The following TROAP variants were observed in gnomAD, a reference collection of about 807,000 sequenced individuals.
TROAP encodes the protein tastin.
TROAP carries 62 observed loss-of-function variants against 83.4 expected under a neutral mutation model. The observed-to-expected ratio is 0.74, with a 90% CI of 0.61 to 0.92. TROAP has a LOEUF of 0.92. TROAP is among the 40% of genes least tolerant of loss of function. The pLI, the probability that TROAP is intolerant of heterozygous loss-of-function variation, is 0.00. For missense variants in TROAP, 876 were observed against 985.1 expected (o/e 0.89, Z 1.48); for synonymous variants, 352 against 386.4 (o/e 0.91, Z 1.04).
At position 49,329,967 on chromosome 12, in the gene TROAP, C is replaced by A. The variant is rs140522502; in HGVS notation, c.1275C>A (p.Pro425=). 361 of 1,614,138 alleles carry A rather than the reference C, an allele frequency of 2.2e-4. No individual in the cohort carries two copies. In the South Asian group the frequency reaches 3.3e-3, roughly 15 times the overall value. ...CTGGACCCCACTCTAACAGAACCCC[C>A]AGCCTCCAGGAGGTGAAGATTCAAG... ...TPSGPHSNRT[P]SLQEVKIQRI... Residue 425 remains proline, a synonymous_variant, in exon 12 of 15, where the codon CCC becomes CCA. Coordinates refer to ENST00000257909, the MANE Select transcript of TROAP (RefSeq NM_005480.4). The surrounding 1 kb of genome is among the most constrained non-coding windows in gnomAD (Gnocchi z 4.5).
chr12:49,325,701 A>T (rs1943488482), intron 4 of TROAP, 43 bp downstream of exon 4: 11 of 1,612,630 alleles, frequency 6.8e-6, no homozygotes, highest in Non-Finnish European at 9.3e-6. Context: ...GGGGGCACTG[A>T]GGGGGGCATC....
chr12:49,327,505 A>G (rs548207192), intron 8 of TROAP, among the ~76,000 whole-genome samples, 175 bp downstream of exon 8: 1 of 152,200 alleles, frequency 6.6e-6, no homozygotes, highest in Non-Finnish European at 1.5e-5. Context: ...TGTGAGACTG[A>G]CCTCTCTTTA....
Position 49,328,974 on chromosome 12 carries a change from GC to G in TROAP, c.942del (p.Leu315CysfsTer26), listed in dbSNP as rs766897414. On this transcript the variant is annotated frameshift_variant, in exon 9 of 15. Transcript: ENST00000257909. LOFTEE classifies it high-confidence loss of function. Reference sequence around the variant, plus strand: ...TGCCCTCCCCTGCCCCTGTGGCCCAGCCCTTGCCTGGCCATGTGGTGCCATG... The same window carrying G: ...TGCCCTCCCCTGCCCCTGTGGCCCAGCCTTGCCTGGCCATGTGGTGCCATG... ...LMPSPAPVAQPLPGHVVPCPS... is the reference protein window; with the variant it reads ...LMPSPAPVAQXLPGHVVPCPS... 6.2e-7 allele frequency: 1 copy of G among 1,607,766 alleles called. No individual in the cohort carries two copies. Among genetic ancestry groups the G allele is most frequent in the East Asian group, 2.2e-5 (1 of 44,816 alleles).
At chr12:49,325,962 G>A in intron 5 of TROAP, 78 bp downstream of exon 5, 6 of 1,604,830 alleles carry the variant, frequency 3.7e-6, no homozygotes, top group Non-Finnish European at 5.1e-6. Context: ...TGGGAGAAGA[G>A]GTACCTCATG....
chr12:49,329,591 T>C lies in TROAP; in HGVS notation c.1164+137T>C. On this transcript the variant is annotated intron_variant, in intron 11 of 14. Transcript: ENST00000257909. This position sits in a 1 kb window ranked among gnomAD's most constrained non-coding sequence, Gnocchi z 4.5. ...CTGTAATCCCAGCACTTTGGGAGGCTGAGGTAGGAGGATTGCTTGAGCTCA... is the reference window on the plus strand; with the variant it reads ...CTGTAATCCCAGCACTTTGGGAGGCCGAGGTAGGAGGATTGCTTGAGCTCA... 1 of 1,116,688 alleles carries C rather than the reference T, an allele frequency of 9.0e-7. No individual in the cohort carries two copies. Among genetic ancestry groups the C allele is most frequent in the Non-Finnish European group, 1.3e-6 (1 of 781,386 alleles). 69.2% of individuals were successfully genotyped at this position (1,116,688 alleles called of 1,614,324 possible). A position where few individuals can be genotyped will look rare whatever the true frequency, so the allele number is the denominator to read the frequency against.
chr12:49,328,214 CTTTTTTTTTT>C (rs981259606), intron 8 of TROAP, among the ~76,000 whole-genome samples: 2 of 77,364 alleles, frequency 2.6e-5, no homozygotes, highest in South Asian at 4.8e-4. Flanking sequence ...TGACTTAGGT[CTTTTTTTTTT>C]TTTTTTTTTT....
chr12:49,325,416 C>G, intron 3 of TROAP, 85 bp from the exon 4 acceptor site: 1 of 1,359,446 alleles, frequency 7.4e-7, no homozygotes, highest in South Asian at 1.5e-5. Flanking sequence ...GTCTCTTGCT[C>G]ACCTTGTACC....
chr12:49,330,268 A>C lies in TROAP; in HGVS notation c.1423A>C (p.Ile475Leu). Residue 475 changes from isoleucine (I) to leucine (L), a missense_variant, in exon 13 of 15, where the codon ATT (isoleucine) becomes CTT (leucine). This residue lies in a region of TROAP where 689 missense variants were observed against 722.6 expected (regional missense o/e 0.95). Coordinates refer to ENST00000257909, the MANE Select transcript of TROAP (RefSeq NM_005480.4). ...MVELQPLLTE[I>L]SRTLNATEHN... ...TGAACTTCAGCCCCTGCTGACTGAG[A>C]TTTCTAGAACTCTGAATGCCACAGA... The C allele has an allele frequency of 6.2e-7, 1 of 1,614,050 alleles. No homozygotes were observed. Among genetic ancestry groups the C allele is most frequent in the Non-Finnish European group, 8.5e-7 (1 of 1,179,980 alleles).
At chr12:49,328,816 A>T in intron 8 of TROAP, 111 bp from the exon 9 acceptor site, 1 of 1,419,558 alleles carries the variant, frequency 7.0e-7, no homozygotes, top group Admixed American at 2.5e-5. Flanking sequence ...GTGAGCCAAG[A>T]TCGCGCCACT....
In TROAP at chr12:49,327,342, C is replaced by T. The variant is rs1943515987; in HGVS notation, c.891+12C>T. On this transcript the variant is annotated intron_variant, in intron 8 of 14. Coordinates refer to ENST00000257909, the MANE Select transcript of TROAP (RefSeq NM_005480.4). Reference sequence around the variant, plus strand: ...TGTCACATACCAGGGTGAGATGCGACTCTCCTGGGATGGTGGGTGGGAGGT... The same window carrying T: ...TGTCACATACCAGGGTGAGATGCGATTCTCCTGGGATGGTGGGTGGGAGGT... 1.2e-6 allele frequency: 2 copies of T among 1,613,020 alleles called. No individual in the cohort carries two copies. The highest frequency in any genetic ancestry group is 2.7e-5 in the African/African-American group (2 of 74,884).
chr12:49,329,353 C>A lies in TROAP; in HGVS notation c.1105-42C>A. ...GAAGCAAGGGGAGGCTGAGTGCCATCTGTGGGTGTCAGCCCTTGCTGACAT... is the reference window on the plus strand; with the variant it reads ...GAAGCAAGGGGAGGCTGAGTGCCATATGTGGGTGTCAGCCCTTGCTGACAT... On this transcript the variant is annotated intron_variant, in intron 10 of 14. Coordinates refer to ENST00000257909, the MANE Select transcript of TROAP (RefSeq NM_005480.4). The surrounding 1 kb of genome is among the most constrained non-coding windows in gnomAD (Gnocchi z 4.5). The A allele has an allele frequency of 6.2e-7, 1 of 1,613,066 alleles. No individual in the cohort carries two copies. Among genetic ancestry groups the A allele is most frequent in the Non-Finnish European group, 8.5e-7 (1 of 1,179,244 alleles).
rs1943503260 is a variant in TROAP at position 49,326,506 on chromosome 12, C to T, written c.717-162C>T. The T allele has an allele frequency of 3.3e-5, 29 of 869,252 alleles. No individual in the cohort carries two copies. In the South Asian group the frequency reaches 5.1e-4, roughly 15 times the overall value. 53.8% of individuals were successfully genotyped at this position (869,252 alleles called of 1,614,324 possible). On this transcript the variant is annotated intron_variant, in intron 6 of 14. Transcript: ENST00000257909. Reference sequence around the variant, plus strand: ...CTTACTATTTGTGCAAGCTTGCCTTCACCTCTCTGAGCTTTGGTTTCTTTG... The same window carrying T: ...CTTACTATTTGTGCAAGCTTGCCTTTACCTCTCTGAGCTTTGGTTTCTTTG...
At chr12:49,324,735 CT>C (rs1375214809) in intron 3 of TROAP, among the ~76,000 whole-genome samples, 14 of 134,492 alleles carry the variant, frequency 1.0e-4, no homozygotes, top group East Asian at 8.3e-4. Flanking sequence ...TTTTTCTTTT[CT>C]TTTTTTTTTG....
rs545749247 is a variant in TROAP at position 49,327,054 on chromosome 12, G to A, written c.770-155G>A. On this transcript the variant is annotated intron_variant, in intron 7 of 14. Coordinates refer to ENST00000257909, the MANE Select transcript of TROAP (RefSeq NM_005480.4). ...AGATTAATAAGTGTTTACTGAGATA[G>A]TGTTGGGTGTTGAGGGGCTGCTGGA... Among the ~76,000 whole-genome samples the A allele has an allele frequency of 3.9e-5, 6 of 152,322 alleles. No homozygotes were observed. In the South Asian group the frequency reaches 1.2e-3, roughly 32 times the overall value.
At position 49,329,976 on chromosome 12, in the gene TROAP, G is replaced by C. The variant is rs1432559865; in HGVS notation, c.1284G>C (p.Gln428His). ...GPHSNRTPSL[Q>H]EVKIQRIGIL... ...ACTCTAACAGAACCCCCAGCCTCCA[G>C]GAGGTGAAGATTCAAGTGAGTCTGT... Residue 428 changes from glutamine to histidine, a missense_variant, in exon 12 of 15, where the codon CAG becomes CAC. By Grantham distance (24) the Gln-to-His change is conservative. Around this residue, in one of 3 missense-constraint regions of TROAP, gnomAD observed 689 missense variants for 722.6 expected, o/e 0.95. Coordinates refer to ENST00000257909, the MANE Select transcript of TROAP (RefSeq NM_005480.4). The surrounding 1 kb of genome is among the most constrained non-coding windows in gnomAD (Gnocchi z 4.5). 1 of 1,614,150 alleles carries C rather than the reference G, an allele frequency of 6.2e-7. No individual in the cohort carries two copies.
intron 3 of TROAP, 184 bp from the exon 4 acceptor site, chr12:49,325,317 A>G (rs1439188175): frequency 1.8e-5 from 10 of 569,146 alleles, no homozygotes; most frequent in South Asian, 1.5e-4. Flanking sequence ...CGGCCTCCCA[A>G]AGTGCTGGGA....
Position 49,329,551 on chromosome 12 carries a change from C to A in TROAP, c.1164+97C>A. ...AGGCACACGTGCTTTCTGGGCCAGG[C>A]ATGGTGGCTCACACCTGTAATCCCA... On this transcript the variant is annotated intron_variant, in intron 11 of 14. Coordinates refer to ENST00000257909, the MANE Select transcript of TROAP (RefSeq NM_005480.4). The surrounding 1 kb of genome is among the most constrained non-coding windows in gnomAD (Gnocchi z 4.5). 2.2e-6 allele frequency: 3 copies of A among 1,382,592 alleles called. No homozygotes were observed. Among genetic ancestry groups the A allele is most frequent in the Admixed American group, 2.2e-5 (1 of 45,794 alleles). 85.6% of individuals were successfully genotyped at this position (1,382,592 alleles called of 1,614,324 possible).
In TROAP at chr12:49,331,318, G is replaced by A. The variant is rs1326724521; in HGVS notation, c.2203G>A (p.Ala735Thr). The change falls in exon 14 of 15, where the codon GCC (alanine) becomes ACC (threonine). Residue 735 changes from alanine (A) to threonine (T), a missense_variant. Ala to Thr is a moderately conservative substitution (Grantham distance 58, BLOSUM62 0). Transcript: ENST00000257909. ...CGAGGCTCGTCTGGACGATGAGTGT[G>A]CCTTTTACACCAGCCGAGCCCCTCC... ...FHEARLDDEC[A>T]FYTSRAPPSG... 6.2e-7 allele frequency: 1 copy of A among 1,614,210 alleles called. No homozygotes were observed. The highest frequency in any genetic ancestry group is 8.5e-7 in the Non-Finnish European group (1 of 1,180,040).
intron 5 of TROAP, 51 bp downstream of exon 5, chr12:49,325,935 G>A: frequency 6.2e-7 from 1 of 1,605,282 alleles, no homozygotes; most frequent in Non-Finnish European, 8.5e-7. Context: ...GCTCCTTCCA[G>A]GGACAAAGCT....
Sources: gnomAD v4.1 joint callset for allele counts (sites outside exome capture counted in the v4.1 genomes callset) on GRCh38, gnomAD v4.1.1 for gene constraint, gnomAD v4.1.1 regional missense constraint, Gnocchi (gnomAD v3.1) non-coding constraint, MANE v1.5 for transcripts, NCBI Gene and HGNC (gene_info 2026-07-23, HGNC 2026-07-21) for gene names.